Variants in KCNK2 observed in about 807,000 individuals in gnomAD.
The protein encoded by KCNK2 is potassium two pore domain channel subfamily K member 2.
A neutral mutation model predicts 40.5 loss-of-function variants in KCNK2; 21 were observed. The observed-to-expected ratio is 0.52, with a 90% CI of 0.37 to 0.75. The LOEUF (loss-of-function observed/expected upper bound fraction) is 0.75. Ranked by LOEUF, KCNK2 falls within the 30% of genes least tolerant of loss-of-function variation. The pLI, the probability that KCNK2 is intolerant of heterozygous loss-of-function variation, is 0.00. For missense variants in KCNK2, 399 were observed against 531.6 expected (o/e 0.75, Z 2.45); for synonymous variants, 191 against 202.2 (o/e 0.94, Z 0.47).
At chr1:215,073,603 A>G (rs1658834053) in intron 1 of KCNK2, among the ~76,000 whole-genome samples, 1 of 152,208 alleles carries the variant, frequency 6.6e-6, no homozygotes, top group Non-Finnish European at 1.5e-5. Context: ...AGTAAGATAC[A>G]TTCAAGAAAC....
chr1:215,083,206 C>T lies in KCNK2; in HGVS notation c.-180C>T, dbSNP rs994653586. The T allele has an allele frequency of 5.1e-6, 5 of 986,922 alleles. No homozygotes were observed. Among genetic ancestry groups the T allele is most frequent in the South Asian group, 2.8e-5 (2 of 71,200 alleles). 61.1% of individuals were successfully genotyped at this position (986,922 alleles called of 1,614,324 possible). ...TTTCTTCTCACGCTCCCCCCCCCGCCCCCTCCCGCGTCCAGCCCCGCTCTC... is the reference window on the plus strand; with the variant it reads ...TTTCTTCTCACGCTCCCCCCCCCGCTCCCTCCCGCGTCCAGCCCCGCTCTC... On this transcript the variant is annotated 5_prime_UTR_variant, in exon 1 of 7. Transcript: ENST00000444842.
intron 1 of KCNK2, among the ~76,000 whole-genome samples, chr1:215,027,074 A>C (rs892725484): frequency 2.0e-5 from 3 of 151,996 alleles, no homozygotes; most frequent in Non-Finnish European, 2.9e-5. Context: ...GGAAAAATTT[A>C]TTAAGTCTGC....
At chr1:215,219,779 C>T (rs976894007) in intron 6 of KCNK2, among the ~76,000 whole-genome samples, 15 of 152,234 alleles carry the variant, frequency 9.9e-5, no homozygotes, top group African/African-American at 3.4e-4. Context: ...GGGTTTCTGC[C>T]GTAATCCAAT....
chr1:215,088,115 T>C (rs1659528575), intron 2 of KCNK2, among the ~76,000 whole-genome samples: 1 of 151,976 alleles, frequency 6.6e-6, no homozygotes, highest in Non-Finnish European at 1.5e-5. Flanking sequence ...CCTGGTCCCA[T>C]GTAAGATCAC....
chr1:215,074,936 A>T (rs1175306695), intron 1 of KCNK2, among the ~76,000 whole-genome samples: 5 of 152,194 alleles, frequency 3.3e-5, no homozygotes, highest in African/African-American at 1.2e-4. Flanking sequence ...ATTCTGGTAT[A>T]ACAGAGTATC....
chr1:215,021,489 A>G (rs113826729), intron 1 of KCNK2, among the ~76,000 whole-genome samples: 65,086 of 148,784 alleles, frequency 0.44, 15,934 homozygotes, highest in Non-Finnish European at 0.55. Flanking sequence ...GAACAAAAAG[A>G]CAGAGGAAAG....
chr1:215,196,716 GGA>G (rs1291786727), intron 6 of KCNK2, among the ~76,000 whole-genome samples: 8 of 151,548 alleles, frequency 5.3e-5, no homozygotes, highest in African/African-American at 1.5e-4. Flanking sequence ...GTGGGAGATG[GGA>G]GAGAGAGAGA....
chr1:215,037,712 T>C (rs1469040791), intron 1 of KCNK2, among the ~76,000 whole-genome samples: 2 of 151,966 alleles, frequency 1.3e-5, no homozygotes, highest in Non-Finnish European at 2.9e-5. Flanking sequence ...CAATTAATAA[T>C]GAATATTAAG....
chr1:215,172,285 T>C, intron 5 of KCNK2, 102 bp downstream of exon 5: 1 of 1,019,374 alleles, frequency 9.8e-7, no homozygotes, highest in Non-Finnish European at 1.5e-6. Flanking sequence ...ATGAGTTTTC[T>C]AGGGCTGACA....
intron 1 of KCNK2, among the ~76,000 whole-genome samples, chr1:215,065,085 G>A (rs1478724287): frequency 2.0e-5 from 3 of 152,086 alleles, no homozygotes; most frequent in East Asian, 1.9e-4. Context: ...GAAATTAGAC[G>A]TTATATAATC....
intron 5 of KCNK2, among the ~76,000 whole-genome samples, chr1:215,188,674 A>G (rs1571709916): frequency 6.6e-6 from 1 of 152,136 alleles, no homozygotes. Context: ...TTTTGCAACC[A>G]TGTCAAAGGC....
intron 6 of KCNK2, among the ~76,000 whole-genome samples, chr1:215,195,664 T>G (rs186719098): frequency 3.3e-3 from 509 of 152,296 alleles, no homozygotes; most frequent in African/African-American, 0.012. Flanking sequence ...ACTAAACATA[T>G]AGAAGTGAAC....
chr1:215,170,248 T>C (rs1177747915), intron 4 of KCNK2, among the ~76,000 whole-genome samples: 1 of 151,922 alleles, frequency 6.6e-6, no homozygotes, highest in Non-Finnish European at 1.5e-5. Context: ...GATAGGAATG[T>C]ATCTACACAA....
chr1:215,151,431 A>G (rs1403349118), intron 3 of KCNK2, among the ~76,000 whole-genome samples: 1 of 152,066 alleles, frequency 6.6e-6, no homozygotes, highest in African/African-American at 2.4e-5. Flanking sequence ...GTCCAATACC[A>G]TATTGTCTTA....
intron 3 of KCNK2, among the ~76,000 whole-genome samples, chr1:215,143,773 G>T (rs908518907): frequency 3.9e-5 from 6 of 152,100 alleles, no homozygotes. Context: ...GAGTATCTAT[G>T]TTGTACCACA....
intron 5 of KCNK2, among the ~76,000 whole-genome samples, chr1:215,175,490 CT>C (rs1663924806): frequency 6.7e-6 from 1 of 148,300 alleles, no homozygotes; most frequent in Admixed American, 6.8e-5. Context: ...TGATTTTTTT[CT>C]TAAATAATTT....
chr1:215,057,628 A>G (rs1161140046), intron 1 of KCNK2, among the ~76,000 whole-genome samples: 3 of 152,152 alleles, frequency 2.0e-5, no homozygotes, highest in Non-Finnish European at 2.9e-5. Context: ...AGAAAATTCC[A>G]TATTAACAAT....
intron 3 of KCNK2, among the ~76,000 whole-genome samples, chr1:215,168,554 G>T (rs1250338183): frequency 6.6e-6 from 1 of 152,146 alleles, no homozygotes; most frequent in African/African-American, 2.4e-5. Flanking sequence ...TCCTTTGCAG[G>T]GACATGGATG....
At chr1:215,214,625 G>C (rs930852078) in intron 6 of KCNK2, among the ~76,000 whole-genome samples, 3 of 151,966 alleles carry the variant, frequency 2.0e-5, no homozygotes, top group Non-Finnish European at 4.4e-5. Context: ...TAGGAGTTCA[G>C]GACCAGCCTG....
Sources: gnomAD v4.1 joint callset for allele counts (sites outside exome capture counted in the v4.1 genomes callset) on GRCh38, gnomAD v4.1.1 for gene constraint, MANE v1.5 for transcripts, NCBI Gene and HGNC (gene_info 2026-07-23, HGNC 2026-07-21) for gene names.